The following AUTS2 variants were observed in gnomAD, a reference collection of about 807,000 sequenced individuals.
AUTS2 encodes autism susceptibility gene 2 protein.
AUTS2 carries 17 observed loss-of-function variants against 112.4 expected under a neutral mutation model. The observed-to-expected ratio is 0.15, with a 90% CI of 0.10 to 0.23. The LOEUF is 0.23. Ranked by LOEUF, AUTS2 falls within the 10% of genes least tolerant of loss-of-function variation. The pLI, the probability that AUTS2 is intolerant of heterozygous loss-of-function variation, is 1.00. For missense variants in AUTS2, 1,510 were observed against 1,701.6 expected (o/e 0.89, Z 1.98); for synonymous variants, 751 against 702.7 (o/e 1.07, Z -1.09).
chr7:70,218,184 T>A (rs1811273994), intron 4 of AUTS2, among the ~76,000 whole-genome samples: 1 of 152,238 alleles, frequency 6.6e-6, no homozygotes, highest in Non-Finnish European at 1.5e-5. Flanking sequence ...ATATAACTTC[T>A]AATTCCTCTA....
At chr7:70,336,987 CTG>C (rs1299584473) in intron 4 of AUTS2, among the ~76,000 whole-genome samples, 1 of 152,156 alleles carries the variant, frequency 6.6e-6, no homozygotes, top group Non-Finnish European at 1.5e-5. Context: ...CTTTCATTGA[CTG>C]TGGTATTGGC....
chr7:69,646,964 T>G (rs1023623781), intron 1 of AUTS2, among the ~76,000 whole-genome samples: 2 of 151,920 alleles, frequency 1.3e-5, no homozygotes, highest in African/African-American at 4.8e-5. Flanking sequence ...GGCGGGCGCC[T>G]GTAGTCCCAG....
chr7:70,651,196 G>A lies in AUTS2; in HGVS notation c.691-47373G>A, dbSNP rs1294421195. On this transcript the variant is annotated intron_variant, in intron 5 of 18. Transcript: ENST00000342771. Reference sequence around the variant, plus strand: ...GTCTTCTCATTATTTCCGCTATATAGATAAGGATCATGACATACAAAGAAG... The same window carrying A: ...GTCTTCTCATTATTTCCGCTATATAAATAAGGATCATGACATACAAAGAAG... 2.6e-5 allele frequency among the ~76,000 whole-genome samples: 4 copies of A among 152,182 alleles called. No homozygotes were observed. The East Asian group carries it at 7.7e-4, about 29-fold the overall frequency.
chr7:70,570,218 C>A (rs927888516), intron 5 of AUTS2, among the ~76,000 whole-genome samples: 6 of 152,140 alleles, frequency 3.9e-5, no homozygotes, highest in Admixed American at 3.9e-4. Flanking sequence ...AAGTTTAAAT[C>A]CTCGCTCACT....
At chr7:70,355,586 G>C (rs1389984926) in intron 4 of AUTS2, among the ~76,000 whole-genome samples, 1 of 152,082 alleles carries the variant, frequency 6.6e-6, no homozygotes, top group African/African-American at 2.4e-5. Context: ...TGGGGTGTCT[G>C]TGCAGCTGAG....
chr7:70,589,853 C>G (rs1239072463), intron 5 of AUTS2, among the ~76,000 whole-genome samples: 1 of 152,200 alleles, frequency 6.6e-6, no homozygotes, highest in East Asian at 1.9e-4. Flanking sequence ...TGTTCTCAGG[C>G]CTGCCTGACA....
chr7:70,469,621 G>A (rs985210400), intron 5 of AUTS2, among the ~76,000 whole-genome samples: 28 of 152,004 alleles, frequency 1.8e-4, no homozygotes, highest in Non-Finnish European at 2.6e-4. Flanking sequence ...GATCCGACTC[G>A]TGGTTTGTTT....
chr7:70,489,389 A>T (rs1798149009), intron 5 of AUTS2, among the ~76,000 whole-genome samples: 1 of 152,194 alleles, frequency 6.6e-6, no homozygotes, highest in South Asian at 2.1e-4. Context: ...CCCTAAACCA[A>T]GAGCCTCATC....
chr7:69,926,767 T>C (rs1309776105), intron 2 of AUTS2, among the ~76,000 whole-genome samples: 1 of 146,980 alleles, frequency 6.8e-6, no homozygotes, highest in Non-Finnish European at 1.5e-5. Flanking sequence ...ATATATACAC[T>C]ATATATAATA....
At chr7:70,561,195 G>T (rs1801470413) in intron 5 of AUTS2, among the ~76,000 whole-genome samples, 2 of 152,126 alleles carry the variant, frequency 1.3e-5, no homozygotes, top group South Asian at 2.1e-4. Context: ...AAACTCATCA[G>T]TTGTCTCTTG....
chr7:70,524,097 T>A (rs975767069), intron 5 of AUTS2, among the ~76,000 whole-genome samples: 1 of 152,248 alleles, frequency 6.6e-6, no homozygotes, highest in Admixed American at 6.5e-5. Context: ...GTAGTTACTG[T>A]TGAGTCATTC....
At chr7:70,242,761 G>C (rs1480054601) in intron 4 of AUTS2, among the ~76,000 whole-genome samples, 1 of 152,094 alleles carries the variant, frequency 6.6e-6, no homozygotes, top group Non-Finnish European at 1.5e-5. Flanking sequence ...GTATCTTAAA[G>C]TACAGTTTTC....
chr7:69,919,700 G>T (rs1323911029), intron 2 of AUTS2, among the ~76,000 whole-genome samples: 1 of 152,056 alleles, frequency 6.6e-6, no homozygotes, highest in Non-Finnish European at 1.5e-5. Flanking sequence ...TGCAGATGTT[G>T]TATTCTTCTA....
At chr7:70,402,935 T>C (rs1660632451) in intron 4 of AUTS2, among the ~76,000 whole-genome samples, 1 of 152,214 alleles carries the variant, frequency 6.6e-6, no homozygotes, top group South Asian at 2.1e-4. Context: ...GCTGTTTTCC[T>C]TTGGCATCCC....
At chr7:70,549,707 A>G (rs1800939069) in intron 5 of AUTS2, among the ~76,000 whole-genome samples, 1 of 152,208 alleles carries the variant, frequency 6.6e-6, no homozygotes, top group Non-Finnish European at 1.5e-5. Flanking sequence ...AAATTTTTTA[A>G]AAAGCCACTT....
chr7:70,154,344 G>A (rs73160196), intron 4 of AUTS2, among the ~76,000 whole-genome samples: 4,029 of 152,266 alleles, frequency 0.026, 70 homozygotes, highest in Middle Eastern at 0.054. Context: ...TTTGACTTGT[G>A]TGGAAGGAAT....
intron 6 of AUTS2, among the ~76,000 whole-genome samples, chr7:70,728,114 C>A (rs925707353): frequency 1.4e-4 from 22 of 152,090 alleles, no homozygotes; most frequent in African/African-American, 4.6e-4. Context: ...TTCTCAGATC[C>A]CAACAGGCCG....
At chr7:70,047,196 T>A (rs17141134) in intron 2 of AUTS2, among the ~76,000 whole-genome samples, 4,464 of 152,292 alleles carry the variant, frequency 0.029, 250 homozygotes, top group African/African-American at 0.1. Flanking sequence ...TTCAAAACTC[T>A]TATACAGGCC....
At chr7:70,129,770 T>C (rs1806171926) in intron 3 of AUTS2, among the ~76,000 whole-genome samples, 1 of 152,120 alleles carries the variant, frequency 6.6e-6, no homozygotes, top group South Asian at 2.1e-4. Context: ...TAACAGAAGG[T>C]TGAATAATTG....
Sources: gnomAD v4.1 joint callset for allele counts (sites outside exome capture counted in the v4.1 genomes callset) on GRCh38, gnomAD v4.1.1 for gene constraint, MANE v1.5 for transcripts, NCBI Gene and HGNC (gene_info 2026-07-23, HGNC 2026-07-21) for gene names.